Variants in MGAT4A observed in about 807,000 individuals in gnomAD.
MGAT4A encodes the protein N-acetylglucosaminyltransferase IVa.
In MGAT4A, 33 loss-of-function variants were observed where a neutral mutation model predicts 74.1. That is an observed-to-expected ratio of 0.45 (90% CI 0.34 to 0.60). The LOEUF (loss-of-function observed/expected upper bound fraction) is 0.60. Ranked by LOEUF, MGAT4A falls within the 20% of genes least tolerant of loss-of-function variation. The pLI, the probability that MGAT4A is intolerant of heterozygous loss-of-function variation, is 0.02. For missense variants in MGAT4A, 479 were observed against 628.3 expected (o/e 0.76, Z 2.54); for synonymous variants, 198 against 210.4 (o/e 0.94, Z 0.51).
chr2:98,706,679 GCTAT>G (rs1702441610), intron 2 of MGAT4A, among the ~76,000 whole-genome samples: 1 of 151,414 alleles, frequency 6.6e-6, no homozygotes, highest in East Asian at 1.9e-4. Context: ...ATGGCATACT[GCTAT>G]CTGTGTAAAT....
rs534998452 is a variant in MGAT4A at position 98,710,842 on chromosome 2, T to G, written c.94+15397A>C. ...CCTCTAATAAGTATGTCTGCTTATA[T>G]AGAAAATTTTGTCTATCTGTGTGTA... On this transcript the variant is annotated intron_variant, in intron 2 of 15. Coordinates refer to ENST00000393487, the MANE Select transcript of MGAT4A (RefSeq NM_012214.3). Among the ~76,000 whole-genome samples the G allele has an allele frequency of 2.6e-5, 4 of 152,258 alleles. No individual in the cohort carries two copies. The East Asian group carries it at 7.7e-4, about 29-fold the overall frequency.
rs1471130042 is a variant in MGAT4A at position 98,726,523 on chromosome 2, C to T, written c.-191G>A. The T allele has an allele frequency of 1.0e-5, 5 of 483,422 alleles. No individual in the cohort carries two copies. Among genetic ancestry groups the T allele is most frequent in the African/African-American group, 5.8e-5 (3 of 51,962 alleles). 29.9% of individuals were successfully genotyped at this position (483,422 alleles called of 1,614,324 possible). A position where few individuals can be genotyped will look rare whatever the true frequency, so the allele number is the denominator to read the frequency against. ...TGCTGTTCACAACTGTACTCGGGAT[C>T]GTCTTTGCGGTCTTCACACGCTGAT... On this transcript the variant is annotated 5_prime_UTR_variant, in exon 2 of 16. Coordinates refer to ENST00000393487, the MANE Select transcript of MGAT4A (RefSeq NM_012214.3).
chr2:98,643,139 C>T (rs1313852185), intron 10 of MGAT4A, among the ~76,000 whole-genome samples: 3 of 151,700 alleles, frequency 2.0e-5, no homozygotes, highest in African/African-American at 7.3e-5. Flanking sequence ...TTTTCAGAGA[C>T]ACAATTCAAA....
At chr2:98,644,094 C>A in intron 9 of MGAT4A, 41 bp from the exon 10 acceptor site, 1 of 1,512,708 alleles carries the variant, frequency 6.6e-7, no homozygotes, top group Non-Finnish European at 8.9e-7. Flanking sequence ...ATGAAGAAAC[C>A]AAGCACCAAA....
At chr2:98,653,894 T>C (rs2104256893) in intron 8 of MGAT4A, among the ~76,000 whole-genome samples, 1 of 152,240 alleles carries the variant, frequency 6.6e-6, no homozygotes, top group Middle Eastern at 3.4e-3. Context: ...ATATCCCTGA[T>C]GCAAAAATCC....
chr2:98,657,081 A>T (rs953415840), intron 6 of MGAT4A, among the ~76,000 whole-genome samples: 1 of 152,250 alleles, frequency 6.6e-6, no homozygotes, highest in Admixed American at 6.5e-5. Flanking sequence ...TGCATACGGC[A>T]GCCCCCACAA....
At chr2:98,654,289 A>G (rs1438035803) in intron 8 of MGAT4A, among the ~76,000 whole-genome samples, 2 of 152,188 alleles carry the variant, frequency 1.3e-5, no homozygotes, top group Admixed American at 1.3e-4. Context: ...ACTAGTCAAC[A>G]TAGTGCTGGA....
intron 3 of MGAT4A, 26 bp from the exon 4 acceptor site, chr2:98,675,201 T>A: frequency 6.7e-7 from 1 of 1,500,672 alleles, no homozygotes; most frequent in Non-Finnish European, 9.0e-7. Flanking sequence ...ATAATTAATA[T>A]ACAAGAATTA....
chr2:98,669,951 G>A (rs1482590206), intron 4 of MGAT4A, among the ~76,000 whole-genome samples: 1 of 152,178 alleles, frequency 6.6e-6, no homozygotes, highest in East Asian at 1.9e-4. Flanking sequence ...CTGGATCCCT[G>A]CATGACTGGT....
At chr2:98,664,962 T>C (rs1701802753) in intron 4 of MGAT4A, among the ~76,000 whole-genome samples, 1 of 152,166 alleles carries the variant, frequency 6.6e-6, no homozygotes, top group South Asian at 2.1e-4. Context: ...ATTTTAAATA[T>C]GGTAAAAACA....
intron 2 of MGAT4A, among the ~76,000 whole-genome samples, chr2:98,723,842 A>G (rs1466515712): frequency 6.6e-6 from 1 of 152,178 alleles, no homozygotes; most frequent in Non-Finnish European, 1.5e-5. Flanking sequence ...CAACAGACCA[A>G]TAGCTAGGAG....
intron 14 of MGAT4A, among the ~76,000 whole-genome samples, chr2:98,630,712 T>C (rs1701218403): frequency 6.6e-6 from 1 of 152,210 alleles, no homozygotes; most frequent in African/African-American, 2.4e-5. Context: ...TTAGAGAACA[T>C]ACCCAGATAT....
intron 2 of MGAT4A, among the ~76,000 whole-genome samples, chr2:98,700,816 G>C (rs918931370): frequency 6.6e-6 from 1 of 151,644 alleles, no homozygotes; most frequent in South Asian, 2.1e-4. Flanking sequence ...GCTTGAACCC[G>C]GGAGGCGGAG....
chr2:98,625,650 G>A (rs1701133882), intron 15 of MGAT4A, 58 bp from the exon 16 acceptor site: 1 of 1,559,436 alleles, frequency 6.4e-7, no homozygotes. Context: ...TTCCAAAAAG[G>A]CCTTAAATAC....
rs1047671426 is a variant in MGAT4A, at chr2:98,623,935, C to T, written c.*1631G>A. 6 of 985,444 alleles carry T rather than the reference C, an allele frequency of 6.1e-6. No homozygotes were observed. The highest frequency in any genetic ancestry group is 7.2e-6 in the Non-Finnish European group (6 of 829,970). 61.0% of individuals were successfully genotyped at this position (985,444 alleles called of 1,614,324 possible). On this transcript the variant is annotated 3_prime_UTR_variant, in exon 16 of 16. Transcript: ENST00000393487. ...AAGCTCAGCAGAATCCATCTCTGCC[C>T]GTCTGCAACCAACCTGCAACCCACT...
intron 2 of MGAT4A, among the ~76,000 whole-genome samples, chr2:98,714,756 T>C (rs1003475813): frequency 6.6e-6 from 1 of 152,136 alleles, no homozygotes; most frequent in Non-Finnish European, 1.5e-5. Flanking sequence ...GGAGACTAGA[T>C]AGAGGTGGTA....
intron 2 of MGAT4A, chr2:98,694,827 T>C (rs373372770): frequency 2.0e-5 from 3 of 152,332 alleles, no homozygotes; most frequent in African/African-American, 7.3e-5. Flanking sequence ...CATCTCAAAA[T>C]AAAAACAAAA....
chr2:98,637,902 T>C (rs142130155), intron 12 of MGAT4A, among the ~76,000 whole-genome samples: 1 of 152,288 alleles, frequency 6.6e-6, no homozygotes, highest in Non-Finnish European at 1.5e-5. Context: ...GTTACAGCGG[T>C]GGGCCAGTAG....
chr2:98,681,014 G>A (rs894334357), intron 2 of MGAT4A, among the ~76,000 whole-genome samples: 6 of 152,032 alleles, frequency 3.9e-5, no homozygotes, highest in African/African-American at 1.4e-4. Flanking sequence ...ACGGAGTCTC[G>A]CTCTGTCACC....
Sources: gnomAD v4.1 joint callset for allele counts (sites outside exome capture counted in the v4.1 genomes callset) on GRCh38, gnomAD v4.1.1 for gene constraint, MANE v1.5 for transcripts, NCBI Gene and HGNC (gene_info 2026-07-23, HGNC 2026-07-21) for gene names.